The following ANGPT1 variants were observed in gnomAD, a reference collection of about 807,000 sequenced individuals.
The protein encoded by ANGPT1 is angiopoietin-1.
ANGPT1 carries 17 observed loss-of-function variants against 62.2 expected under a neutral mutation model. The observed-to-expected ratio is 0.27, with a 90% CI of 0.19 to 0.41. ANGPT1 has a LOEUF of 0.41. Among genes scored for constraint, ANGPT1 ranks in the 10% least tolerant of loss-of-function variants. The probability of loss-of-function intolerance (pLI) is 1.00; values close to 1 mark genes in which losing one functional copy is unlikely to be tolerated. For synonymous variants in ANGPT1, 199 were observed against 198.9 expected (o/e 1.00, Z 0.00); for missense variants, 478 against 594.9 (o/e 0.80, Z 2.04).
chr8:107,489,870 C>T (rs1231775517), intron 1 of ANGPT1, among the ~76,000 whole-genome samples: 1 of 150,508 alleles, frequency 6.6e-6, no homozygotes, highest in Admixed American at 6.6e-5. Flanking sequence ...GGACAAAAGT[C>T]GAGGATGACT....
intron 1 of ANGPT1, among the ~76,000 whole-genome samples, chr8:107,431,613 C>T (rs754470465): frequency 9.9e-5 from 15 of 152,162 alleles, no homozygotes; most frequent in Non-Finnish European, 1.6e-4. Flanking sequence ...ATCTCTGTGA[C>T]GTCTTTCCTG....
chr8:107,381,496 C>T (rs1308527380), intron 1 of ANGPT1, among the ~76,000 whole-genome samples: 1 of 152,148 alleles, frequency 6.6e-6, no homozygotes, highest in African/African-American at 2.4e-5. Context: ...GAGTAGGTGC[C>T]CTCGTGGAGG....
chr8:107,399,916 G>A (rs545222010), intron 1 of ANGPT1, among the ~76,000 whole-genome samples: 20 of 152,180 alleles, frequency 1.3e-4, no homozygotes, highest in South Asian at 8.3e-4. Context: ...CAACTGGCCC[G>A]CATTACAGGA....
intron 1 of ANGPT1, among the ~76,000 whole-genome samples, chr8:107,403,279 A>C (rs1483573282): frequency 6.6e-6 from 1 of 152,190 alleles, no homozygotes; most frequent in Admixed American, 6.6e-5. Flanking sequence ...TTTTTCATCA[A>C]GGAGGAAAGC....
At chr8:107,381,868 G>A (rs1654725) in intron 1 of ANGPT1, among the ~76,000 whole-genome samples, 72,454 of 151,992 alleles carry the variant, frequency 0.48, 19,135 homozygotes, top group Non-Finnish European at 0.59. Flanking sequence ...GCTGATCAGA[G>A]TAAATGCTGC....
chr8:107,493,932 A>C (rs1475335338), intron 1 of ANGPT1, among the ~76,000 whole-genome samples: 1 of 150,612 alleles, frequency 6.6e-6, no homozygotes, highest in Admixed American at 6.6e-5. Context: ...CCTTAACCAA[A>C]AAATGTTGTC....
intron 5 of ANGPT1, 107 bp downstream of exon 5, chr8:107,303,133 A>T: frequency 2.3e-6 from 3 of 1,283,430 alleles, no homozygotes; most frequent in Non-Finnish European, 3.3e-6. Context: ...AAGTTCAGGC[A>T]TCTCTATATA....
At chr8:107,406,781 T>G (rs1817157099) in intron 1 of ANGPT1, among the ~76,000 whole-genome samples, 1 of 152,010 alleles carries the variant, frequency 6.6e-6, no homozygotes, top group African/African-American at 2.4e-5. Context: ...TGTAAAGCAC[T>G]TAGCATAATG....
At chr8:107,430,543 A>C (rs1811157445) in intron 1 of ANGPT1, among the ~76,000 whole-genome samples, 1 of 152,224 alleles carries the variant, frequency 6.6e-6, no homozygotes, top group Admixed American at 6.5e-5. Context: ...AAACCTTGGA[A>C]CTTGTGACTA....
chr8:107,285,309 A>G (rs1814112737), intron 6 of ANGPT1, among the ~76,000 whole-genome samples: 1 of 152,164 alleles, frequency 6.6e-6, no homozygotes, highest in Non-Finnish European at 1.5e-5. Context: ...TGTTTCAACA[A>G]TAACTTCATA....
At chr8:107,420,424 C>A (rs1452578770) in intron 1 of ANGPT1, among the ~76,000 whole-genome samples, 1 of 152,058 alleles carries the variant, frequency 6.6e-6, no homozygotes, top group Admixed American at 6.6e-5. Context: ...TTGCTTTATT[C>A]CTGAAAGAAA....
At chr8:107,416,154 A>G (rs1282548682) in intron 1 of ANGPT1, among the ~76,000 whole-genome samples, 4 of 152,152 alleles carry the variant, frequency 2.6e-5, no homozygotes, top group African/African-American at 9.7e-5. Flanking sequence ...GACACTGTCC[A>G]CCTGGAGACA....
chr8:107,264,181 CA>C, intron 8 of ANGPT1, 39 bp downstream of exon 8: 1 of 1,585,888 alleles, frequency 6.3e-7, no homozygotes, highest in Non-Finnish European at 8.6e-7. Flanking sequence ...AGCCCCAAAC[CA>C]ATGAAACATA....
At chr8:107,383,881 A>G (rs1364918646) in intron 1 of ANGPT1, among the ~76,000 whole-genome samples, 1 of 152,118 alleles carries the variant, frequency 6.6e-6, no homozygotes, top group Non-Finnish European at 1.5e-5. Context: ...AGAGATTGTT[A>G]TATTTCCCAC....
chr8:107,449,905 C>G (rs868155087), intron 1 of ANGPT1, among the ~76,000 whole-genome samples: 1 of 152,068 alleles, frequency 6.6e-6, no homozygotes, highest in Non-Finnish European at 1.5e-5. Context: ...TTGGGTTAGA[C>G]TTGCCTTCTC....
At chr8:107,273,890 T>C (rs1255539726) in intron 7 of ANGPT1, among the ~76,000 whole-genome samples, 2 of 151,202 alleles carry the variant, frequency 1.3e-5, no homozygotes, top group Non-Finnish European at 2.9e-5. Flanking sequence ...TTGTGTTTCT[T>C]CATCATTCTA....
intron 4 of ANGPT1, among the ~76,000 whole-genome samples, chr8:107,310,921 G>A (rs1814836021): frequency 6.6e-6 from 1 of 150,694 alleles, no homozygotes; most frequent in South Asian, 2.2e-4. Context: ...GTGTGTGTGT[G>A]TATGTGTTAG....
chr8:107,338,416 G>T (rs888172528), intron 2 of ANGPT1, among the ~76,000 whole-genome samples: 1 of 152,228 alleles, frequency 6.6e-6, no homozygotes, highest in African/African-American at 2.4e-5. Context: ...GGTCTCACTT[G>T]CCTCACCCTA....
chr8:107,332,603 G>A (rs1815449590), intron 3 of ANGPT1, among the ~76,000 whole-genome samples: 1 of 152,198 alleles, frequency 6.6e-6, no homozygotes, highest in Non-Finnish European at 1.5e-5. Flanking sequence ...CTCTCAGCAT[G>A]TTTGTGTAGT....
Sources: gnomAD v4.1 joint callset for allele counts (sites outside exome capture counted in the v4.1 genomes callset) on GRCh38, gnomAD v4.1.1 for gene constraint, MANE v1.5 for transcripts, NCBI Gene and HGNC (gene_info 2026-07-23, HGNC 2026-07-21) for gene names.